The following GABBR2 variants were observed in gnomAD, a reference collection of about 807,000 sequenced individuals.
GABBR2 encodes the protein gamma-aminobutyric acid type B receptor subunit 2.
GABBR2 carries 23 observed loss-of-function variants against 105.6 expected under a neutral mutation model. That is an observed-to-expected ratio of 0.22 (90% CI 0.16 to 0.31). The LOEUF is 0.31. Ranked by LOEUF, GABBR2 falls within the 10% of genes least tolerant of loss-of-function variation. The pLI, the probability that GABBR2 is intolerant of heterozygous loss-of-function variation, is 1.00. For synonymous variants in GABBR2, 478 were observed against 499.7 expected (o/e 0.96, Z 0.58); for missense variants, 734 against 1,245.5 (o/e 0.59, Z 6.18).
chr9:98,590,302 A>C (rs1468803531), intron 1 of GABBR2, among the ~76,000 whole-genome samples: 2 of 152,234 alleles, frequency 1.3e-5, no homozygotes, highest in African/African-American at 2.4e-5. Flanking sequence ...CAGGCTGTCC[A>C]TCCTGAATAC....
chr9:98,398,226 C>T (rs1184240086), intron 8 of GABBR2, among the ~76,000 whole-genome samples: 1 of 152,106 alleles, frequency 6.6e-6, no homozygotes, highest in Non-Finnish European at 1.5e-5. Context: ...TGAAAACACG[C>T]ACACTGAGAC....
At chr9:98,493,233 T>C (rs1173548979) in intron 4 of GABBR2, among the ~76,000 whole-genome samples, 1 of 152,214 alleles carries the variant, frequency 6.6e-6, no homozygotes, top group Non-Finnish European at 1.5e-5. Context: ...AGTATGTGTG[T>C]TATTCCTTAC....
intron 3 of GABBR2, among the ~76,000 whole-genome samples, chr9:98,505,578 A>G (rs1827494070): frequency 6.6e-6 from 1 of 152,180 alleles, no homozygotes; most frequent in African/African-American, 2.4e-5. Flanking sequence ...CCTCATTTGG[A>G]AAAAGGGTCT....
intron 3 of GABBR2, among the ~76,000 whole-genome samples, chr9:98,530,879 C>T (rs895771786): frequency 6.6e-6 from 1 of 152,104 alleles, no homozygotes; most frequent in African/African-American, 2.4e-5. Context: ...AGATTTTAAT[C>T]ACATTTTCCT....
chr9:98,705,655 A>G (rs570138), intron 1 of GABBR2, among the ~76,000 whole-genome samples: 106,491 of 152,146 alleles, frequency 0.7, 38,607 homozygotes, highest in Middle Eastern at 0.83. Flanking sequence ...CACTAGCCAC[A>G]AACATTCTTT....
intron 1 of GABBR2, among the ~76,000 whole-genome samples, chr9:98,580,855 G>A (rs967272288): frequency 2.0e-5 from 3 of 152,112 alleles, no homozygotes; most frequent in East Asian, 1.9e-4. Flanking sequence ...ACACTTCCAC[G>A]TTCTCTCCTT....
intron 1 of GABBR2, among the ~76,000 whole-genome samples, chr9:98,606,066 C>T (rs1588248830): frequency 6.6e-6 from 1 of 152,270 alleles, no homozygotes; most frequent in African/African-American, 2.4e-5. Context: ...AGAATGATAG[C>T]TTCCAGCTTC....
At chr9:98,291,095 G>A (rs914397885) in intron 18 of GABBR2, among the ~76,000 whole-genome samples, 4 of 152,130 alleles carry the variant, frequency 2.6e-5, no homozygotes, top group Admixed American at 2.6e-4. Context: ...CCCATTGTAA[G>A]TTGAAAATAT....
chr9:98,330,700 T>A (rs770973066), intron 13 of GABBR2, among the ~76,000 whole-genome samples: 2 of 152,260 alleles, frequency 1.3e-5, no homozygotes, highest in Non-Finnish European at 2.9e-5. Flanking sequence ...TTTCTTTACC[T>A]GGAATGTCCT....
At chr9:98,394,899 G>A (rs113516566) in intron 8 of GABBR2, among the ~76,000 whole-genome samples, 220 of 152,216 alleles carry the variant, frequency 1.4e-3, no homozygotes, top group African/African-American at 5.0e-3. Flanking sequence ...GCTATTATAT[G>A]CATCCTTAGG....
intron 1 of GABBR2, among the ~76,000 whole-genome samples, chr9:98,657,505 G>C (rs564842787): frequency 1.3e-5 from 2 of 152,178 alleles, no homozygotes; most frequent in African/African-American, 2.4e-5. Flanking sequence ...GGACTCAGAT[G>C]TAAGGAAGGG....
intron 11 of GABBR2, among the ~76,000 whole-genome samples, chr9:98,384,066 A>C (rs531612515): frequency 6.6e-6 from 1 of 151,206 alleles, no homozygotes; most frequent in Non-Finnish European, 1.5e-5. Flanking sequence ...CAGCACCAAC[A>C]AAGGAGTGGC....
At chr9:98,611,229 G>A (rs917491928) in intron 1 of GABBR2, among the ~76,000 whole-genome samples, 5 of 152,150 alleles carry the variant, frequency 3.3e-5, no homozygotes, top group Non-Finnish European at 5.9e-5. Context: ...GCCCTGTAAG[G>A]CCCTCTGTGG....
intron 12 of GABBR2, among the ~76,000 whole-genome samples, chr9:98,371,250 C>T (rs926152505): frequency 6.6e-6 from 1 of 152,146 alleles, no homozygotes; most frequent in African/African-American, 2.4e-5. Flanking sequence ...CCCCAGCACC[C>T]CCCACATGTC....
chr9:98,378,218 G>C (rs1293111935), intron 11 of GABBR2, among the ~76,000 whole-genome samples: 1 of 152,132 alleles, frequency 6.6e-6, no homozygotes, highest in Non-Finnish European at 1.5e-5. Flanking sequence ...GAAAATCCCA[G>C]TACCTCTAGG....
At chr9:98,359,455 A>G (rs1831544408) in intron 13 of GABBR2, among the ~76,000 whole-genome samples, 1 of 152,062 alleles carries the variant, frequency 6.6e-6, no homozygotes, top group Admixed American at 6.5e-5. Flanking sequence ...AAATAAAATA[A>G]ATCGATCAAT....
intron 3 of GABBR2, among the ~76,000 whole-genome samples, chr9:98,505,031 G>A (rs576834635): frequency 6.6e-6 from 1 of 152,354 alleles, no homozygotes; most frequent in African/African-American, 2.4e-5. Context: ...CGTGGTGCTG[G>A]AGCACCAACA....
intron 1 of GABBR2, among the ~76,000 whole-genome samples, chr9:98,689,974 C>T (rs1830665083): frequency 6.6e-6 from 1 of 152,142 alleles, no homozygotes; most frequent in Non-Finnish European, 1.5e-5. Context: ...ATAGATAGCT[C>T]AATCTTTCCA....
intron 1 of GABBR2, among the ~76,000 whole-genome samples, chr9:98,583,496 A>G (rs2778908): frequency 0.12 from 17,928 of 152,250 alleles, 1,376 homozygotes; most frequent in Admixed American, 0.21. Flanking sequence ...CTTAATTTTA[A>G]AGCAGGCTTC....
Sources: allele counts gnomAD v4.1 joint callset (sites outside exome capture counted in the v4.1 genomes callset), GRCh38; gene constraint gnomAD v4.1.1; transcripts MANE v1.5; gene names NCBI Gene and HGNC (gene_info 2026-07-23, HGNC 2026-07-21).